ITPR1: variants seen among roughly 807,000 people sequenced by gnomAD.
ITPR1 encodes the protein inositol 1,4,5-trisphosphate receptor type 1.
In ITPR1, 96 loss-of-function variants were observed where a neutral mutation model predicts 318.4. That is an observed-to-expected ratio of 0.30 (90% CI 0.26 to 0.36). ITPR1 has a LOEUF of 0.36. Among genes scored for constraint, ITPR1 ranks in the 10% least tolerant of loss-of-function variants. The pLI is 1.00. For synonymous variants in ITPR1, 1,312 were observed against 1,289.9 expected, an observed-to-expected ratio of 1.02 and a Z score of -0.37; for missense variants, 2,440 against 3,460.2, an observed-to-expected ratio of 0.71 and a Z score of 7.40.
chr3:4,782,733 G>C lies in ITPR1; in HGVS notation c.6502G>C (p.Ala2168Pro). The part of the protein sequence containing the change: ...RNVGHNIYIL[A>P]HQLARHNKEL... ...CGTGGGGCACAACATCTACATATTA[G>C]CCCATCAGGTATGATCTCTCCTGTG... is the stretch of plus-strand genomic sequence containing the variant. The change falls in exon 50 of 62, where the codon GCC (alanine) becomes CCC (proline). Residue 2168 changes from alanine (A) to proline (P), a missense_variant. Transcript: ENST00000649015. 6.4e-7 allele frequency: 1 copy of C among 1,565,880 alleles called. No individual in the cohort carries two copies. Among genetic ancestry groups the C allele is most frequent in the Non-Finnish European group, 8.7e-7 (1 of 1,154,892 alleles).
At chr3:4,714,752 A>G (rs2041640131) in intron 39 of ITPR1, among the ~76,000 whole-genome samples, 1 of 152,206 alleles carries the variant, frequency 6.6e-6, no homozygotes, top group South Asian at 2.1e-4. Context: ...GTACTTAGTC[A>G]AGGTCACAGA....
intron 44 of ITPR1, among the ~76,000 whole-genome samples, chr3:4,739,628 C>T (rs938195560): frequency 6.6e-6 from 1 of 152,192 alleles, no homozygotes; most frequent in Admixed American, 6.5e-5. Flanking sequence ...ATAAAATATC[C>T]TGTACCTCTT....
At chr3:4,756,205 GAC>G (rs1456977929) in intron 44 of ITPR1, among the ~76,000 whole-genome samples, 1 of 152,208 alleles carries the variant, frequency 6.6e-6, no homozygotes, top group Admixed American at 6.5e-5. Flanking sequence ...AGGAGGGTCT[GAC>G]ACAAGCTTGT....
intron 44 of ITPR1, among the ~76,000 whole-genome samples, chr3:4,743,657 G>A (rs550386502): frequency 6.6e-6 from 1 of 152,182 alleles, no homozygotes; most frequent in Non-Finnish European, 1.5e-5. Context: ...TTCCTGAGTA[G>A]CAGAGCCAAC....
intron 33 of ITPR1, among the ~76,000 whole-genome samples, chr3:4,694,179 A>G (rs1403617780): frequency 1.3e-5 from 2 of 151,270 alleles, no homozygotes; most frequent in South Asian, 4.2e-4. Flanking sequence ...CAGACAATCA[A>G]TTAAAAAAAA....
At chr3:4,600,838 C>G (rs1559514633) in intron 4 of ITPR1, among the ~76,000 whole-genome samples, 1 of 152,100 alleles carries the variant, frequency 6.6e-6, no homozygotes, top group Non-Finnish European at 1.5e-5. Flanking sequence ...TCAGACAATG[C>G]AGGAATGGAG....
In ITPR1 at chr3:4,701,578, T is replaced by C. The variant is rs1206011952; in HGVS notation, c.4537-1252T>C. On this transcript the variant is annotated intron_variant, in intron 35 of 61. Coordinates refer to ENST00000649015, the MANE Select transcript of ITPR1 (RefSeq NM_001378452.1). ...CTTCCTGAAGAAGGCAATGAGATTC[T>C]GGCTGCCAGGTGAACTTCATGGAAA... Among the ~76,000 whole-genome samples the C allele has an allele frequency of 2.6e-5, 4 of 152,238 alleles. No individual in the cohort carries two copies. The East Asian group carries it at 7.7e-4, about 29-fold the overall frequency.
rs557249219 is a variant in ITPR1 at position 4,760,937 on chromosome 3, A to G, written c.5545-5593A>G. ...TCTGCACCTTTAATTCCCCTTCGCC[A>G]CATAAGACAGCATTTTCACAGGTTC... On this transcript the variant is annotated intron_variant, in intron 44 of 61. Transcript: ENST00000649015. Among the ~76,000 whole-genome samples, 9 of 152,330 alleles carry G rather than the reference A, an allele frequency of 5.9e-5. No homozygotes were observed. In the South Asian group the frequency reaches 1.5e-3, roughly 25 times the overall value.
At chr3:4,738,249 A>G (rs1484481121) in intron 44 of ITPR1, among the ~76,000 whole-genome samples, 1 of 152,260 alleles carries the variant, frequency 6.6e-6, no homozygotes, top group African/African-American at 2.4e-5. Context: ...TCAGTAAGCC[A>G]TATGCTTAAA....
At chr3:4,623,060 A>G (rs1348622820) in intron 4 of ITPR1, among the ~76,000 whole-genome samples, 1 of 152,182 alleles carries the variant, frequency 6.6e-6, no homozygotes, top group Admixed American at 6.5e-5. Context: ...AGGTCGGCTG[A>G]CTTTTTTGCT....
chr3:4,506,933 G>A (rs957908338), intron 2 of ITPR1, among the ~76,000 whole-genome samples: 2 of 152,148 alleles, frequency 1.3e-5, no homozygotes, highest in African/African-American at 4.8e-5. Flanking sequence ...CTAAAGAACT[G>A]TTGATGTGAG....
At chr3:4,844,023 A>G (rs1454218031) in intron 61 of ITPR1, among the ~76,000 whole-genome samples, 2 of 152,226 alleles carry the variant, frequency 1.3e-5, no homozygotes, top group Admixed American at 6.5e-5. Context: ...AAAAGTCTTA[A>G]TGGCCAACTT....
At chr3:4,607,962 G>A (rs1382874880) in intron 4 of ITPR1, among the ~76,000 whole-genome samples, 1 of 152,116 alleles carries the variant, frequency 6.6e-6, no homozygotes, top group African/African-American at 2.4e-5. Flanking sequence ...TCGTCCATCT[G>A]CCTAGCCTGG....
chr3:4,539,984 C>CAAA (rs749264815), intron 4 of ITPR1, among the ~76,000 whole-genome samples: 19,592 of 93,966 alleles, frequency 0.21, 1,726 homozygotes, highest in East Asian at 0.4. Flanking sequence ...GACTAAGATG[C>CAAA]AAAAAAAAAA....
intron 18 of ITPR1, among the ~76,000 whole-genome samples, chr3:4,668,605 C>A (rs1362612698): frequency 2.0e-5 from 3 of 152,110 alleles, no homozygotes; most frequent in Non-Finnish European, 2.9e-5. Context: ...GTAGCTGCGA[C>A]TACAGGCACG....
chr3:4,746,025 C>G (rs1233436896), intron 44 of ITPR1, among the ~76,000 whole-genome samples: 2 of 152,214 alleles, frequency 1.3e-5, no homozygotes, highest in Non-Finnish European at 2.9e-5. Flanking sequence ...ACTGTGAATT[C>G]AGAGTGGCCC....
chr3:4,753,367 C>T (rs2044697770), intron 44 of ITPR1, among the ~76,000 whole-genome samples: 1 of 152,054 alleles, frequency 6.6e-6, no homozygotes, highest in South Asian at 2.1e-4. Context: ...CCGCCAAAGC[C>T]CTAATATACA....
At chr3:4,636,250 C>T (rs2093186601) in intron 5 of ITPR1, among the ~76,000 whole-genome samples, 1 of 152,134 alleles carries the variant, frequency 6.6e-6, no homozygotes, top group Admixed American at 6.5e-5. Context: ...AAGTTTTCTC[C>T]TTAATGAGAA....
intron 51 of ITPR1, among the ~76,000 whole-genome samples, chr3:4,786,628 G>A (rs763567665): frequency 4.6e-5 from 7 of 152,164 alleles, no homozygotes; most frequent in Non-Finnish European, 8.8e-5. Context: ...TAGCCCTTTC[G>A]AAATCACTAC....
Sources: gnomAD v4.1 joint callset for allele counts (sites outside exome capture counted in the v4.1 genomes callset) on GRCh38, gnomAD v4.1.1 for gene constraint, MANE v1.5 for transcripts, NCBI Gene and HGNC (gene_info 2026-07-23, HGNC 2026-07-21) for gene names.